ARHGEF28: variants seen among roughly 807,000 people sequenced by gnomAD.
ARHGEF28 encodes the protein Rho guanine nucleotide exchange factor 28.
Under a neutral mutation model 206.6 loss-of-function variants are expected in ARHGEF28, and 152 were observed. The ratio of observed to expected loss-of-function variants is 0.74; its 90% CI spans 0.64 to 0.84. ARHGEF28 has a LOEUF of 0.84. Ranked by LOEUF, ARHGEF28 falls within the 40% of genes least tolerant of loss-of-function variation. ARHGEF28 has a pLI of 0.00. For synonymous variants in ARHGEF28, 763 were observed against 776.4 expected (o/e 0.98, Z 0.29); for missense variants, 2,028 against 2,073.2 (o/e 0.98, Z 0.42).
At chr5:73,922,615 A>G (rs1020766183) in intron 35 of ARHGEF28, among the ~76,000 whole-genome samples, 3 of 152,184 alleles carry the variant, frequency 2.0e-5, no homozygotes, top group South Asian at 2.1e-4. Flanking sequence ...TTAAAATTAT[A>G]TAAGCCTAAA....
intron 34 of ARHGEF28, among the ~76,000 whole-genome samples, chr5:73,910,147 G>A (rs1475324432): frequency 1.3e-5 from 2 of 152,008 alleles, no homozygotes; most frequent in Non-Finnish European, 2.9e-5. Flanking sequence ...TTGGGAGGCC[G>A]AGGCGGGAAG....
chr5:73,795,388 T>G lies in ARHGEF28; in HGVS notation c.1021T>G (p.Leu341Val). ...ACATGAAGACCAGCACAGCCTAGAT[T>G]TGGGTATGAAATAACGCTTTTACCT... ...NEHEDQHSLD[L>V]DRSFDILKKS... Residue 341 changes from leucine to valine, a missense_variant, in exon 9 of 36, where the codon TTG becomes GTG. Around this residue, in one of 3 missense-constraint regions of ARHGEF28, gnomAD observed 1,002 missense variants for 1,015.3 expected, o/e 0.99. Coordinates refer to ENST00000513042, the MANE Select transcript of ARHGEF28 (RefSeq NM_001177693.2). 1 of 1,613,440 alleles carries G rather than the reference T, an allele frequency of 6.2e-7. No individual in the cohort carries two copies. Among genetic ancestry groups the G allele is most frequent in the Non-Finnish European group, 8.5e-7 (1 of 1,179,450 alleles).
intron 4 of ARHGEF28, among the ~76,000 whole-genome samples, chr5:73,766,544 T>C (rs1752908299): frequency 6.6e-6 from 1 of 152,236 alleles, no homozygotes; most frequent in African/African-American, 2.4e-5. Context: ...GCTAACCACT[T>C]ATTAATTTAA....
At chr5:73,729,774 G>C (rs1312993796) in intron 2 of ARHGEF28, among the ~76,000 whole-genome samples, 1 of 152,158 alleles carries the variant, frequency 6.6e-6, no homozygotes, top group East Asian at 1.9e-4. Context: ...ATTTTTGTTA[G>C]TGTTAGAGAG....
intron 35 of ARHGEF28, among the ~76,000 whole-genome samples, chr5:73,938,426 T>C (rs1185231237): frequency 6.6e-6 from 1 of 152,156 alleles, no homozygotes; most frequent in Non-Finnish European, 1.5e-5. Flanking sequence ...CTACATAGAT[T>C]AAGGGCTTCC....
intron 35 of ARHGEF28, among the ~76,000 whole-genome samples, chr5:73,933,916 A>G (rs1764271536): frequency 6.6e-6 from 1 of 150,450 alleles, no homozygotes. Flanking sequence ...ATTGTCTCAT[A>G]AATGTTTTTT....
At chr5:73,754,661 C>T (rs762559081) in intron 4 of ARHGEF28, among the ~76,000 whole-genome samples, 11 of 151,964 alleles carry the variant, frequency 7.2e-5, no homozygotes, top group Non-Finnish European at 1.2e-4. Flanking sequence ...ATGTGCTGCA[C>T]ATTTTAAATT....
chr5:73,909,845 A>G lies in ARHGEF28; in HGVS notation c.4595A>G (p.Lys1532Arg). ...CAGCAGAGCCTGCTGGGCCACTGGA[A>G]GCACGGCCGGCAGAGGAGCCTGCCC... ...RAQQSLLGHWKHGRQRSLPAV... is the reference protein window; with the variant it reads ...RAQQSLLGHWRHGRQRSLPAV... Residue 1532 changes from lysine (K) to arginine (R), a missense_variant, in exon 34 of 36, where the codon AAG becomes AGG. Around this residue, in one of 3 missense-constraint regions of ARHGEF28, gnomAD observed 803 missense variants for 768.0 expected, o/e 1.05. Transcript: ENST00000513042. 2 of 1,541,256 alleles carry G rather than the reference A, an allele frequency of 1.3e-6. No homozygotes were observed. Among genetic ancestry groups the G allele is most frequent in the East Asian group, 2.3e-5 (1 of 43,998 alleles).
At chr5:73,897,624 G>C (rs147731576) in intron 29 of ARHGEF28, among the ~76,000 whole-genome samples, 1 of 152,190 alleles carries the variant, frequency 6.6e-6, no homozygotes, top group East Asian at 1.9e-4. Context: ...TTAATATAAT[G>C]GTTTATAGTT....
chr5:73,909,619 A>C lies in ARHGEF28; in HGVS notation c.4369A>C (p.Arg1457=). 1 of 1,551,650 alleles carries C rather than the reference A, an allele frequency of 6.4e-7. No homozygotes were observed. Among genetic ancestry groups the C allele is most frequent in the Non-Finnish European group, 8.7e-7 (1 of 1,147,756 alleles). Residue 1457 remains arginine (R), a synonymous_variant, in exon 34 of 36, where the codon AGG becomes CGG. Coordinates refer to ENST00000513042, the MANE Select transcript of ARHGEF28 (RefSeq NM_001177693.2). ...LQQEQRRWLR[R]CEQQQRAQAT... Reference sequence around the variant, plus strand: ...GCAGGAGCAGCGGCGCTGGCTGCGCAGGTGTGAGCAGCAGCAGCGGGCGCA... The same window carrying C: ...GCAGGAGCAGCGGCGCTGGCTGCGCCGGTGTGAGCAGCAGCAGCGGGCGCA...
chr5:73,911,378 C>T lies in ARHGEF28; in HGVS notation c.4751C>T (p.Pro1584Leu), dbSNP rs1434663118. 2 of 1,613,670 alleles carry T rather than the reference C, an allele frequency of 1.2e-6. No individual in the cohort carries two copies. Among genetic ancestry groups the T allele is most frequent in the South Asian group, 2.2e-5 (2 of 91,050 alleles). ...MSFNTFNKLN[P>L]SVIHQDATYP... ...TTTAACACTTTCAACAAACTGAATC[C>T]ATCAGTTATCCATCAGGATGCCACT... Residue 1584 changes from proline (P) to leucine (L), a missense_variant, in exon 35 of 36, where the codon CCA becomes CTA. By Grantham distance (98) the Pro-to-Leu change is moderately conservative (BLOSUM62 -3). Coordinates refer to ENST00000513042, the MANE Select transcript of ARHGEF28 (RefSeq NM_001177693.2).
Position 73,684,866 on chromosome 5 carries a change from C to A in ARHGEF28, c.15C>A (p.Cys5Ter). The change falls in exon 2 of 36, where the codon TGC becomes TGA. Residue 5 changes from cysteine to a stop codon, truncating the protein, a stop_gained. Coordinates refer to ENST00000513042, the MANE Select transcript of ARHGEF28 (RefSeq NM_001177693.2). LOFTEE classifies it high-confidence loss of function. MELS[C>*]SEAPLYGQMM... ...ATGCGAAAGCCATGGAGTTGAGCTG[C>A]AGCGAAGCACCTCTTTACGTAAGTT... 1 of 1,610,942 alleles carries A rather than the reference C, an allele frequency of 6.2e-7. No homozygotes were observed. Among genetic ancestry groups the A allele is most frequent in the Non-Finnish European group, 8.5e-7 (1 of 1,178,390 alleles).
At chr5:73,718,797 C>T (rs1349210654) in intron 2 of ARHGEF28, among the ~76,000 whole-genome samples, 2 of 152,228 alleles carry the variant, frequency 1.3e-5, no homozygotes, top group Non-Finnish European at 2.9e-5. Flanking sequence ...ACTCAACTCA[C>T]TACTATCTTC....
intron 2 of ARHGEF28, among the ~76,000 whole-genome samples, chr5:73,694,467 G>A (rs56848158): frequency 0.044 from 6,710 of 152,238 alleles, 497 homozygotes; most frequent in African/African-American, 0.15. Flanking sequence ...TTTTTGTTCT[G>A]TTTGAGTTTT....
intron 9 of ARHGEF28, chr5:73,803,227 A>T: frequency 6.3e-6 from 1 of 158,104 alleles, no homozygotes. Flanking sequence ...ACTTACTCTG[A>T]TACTTCTGAT....
chr5:73,663,887 T>C (rs1035477108), intron 1 of ARHGEF28, among the ~76,000 whole-genome samples: 2 of 152,252 alleles, frequency 1.3e-5, no homozygotes, highest in Non-Finnish European at 2.9e-5. Context: ...GCATATGTAG[T>C]TACGTTTGTG....
intron 2 of ARHGEF28, among the ~76,000 whole-genome samples, chr5:73,716,481 T>A (rs1342828738): frequency 6.6e-6 from 1 of 152,308 alleles, no homozygotes; most frequent in South Asian, 2.1e-4. Flanking sequence ...GCAGCCAGTG[T>A]CCTATTTAGG....
intron 2 of ARHGEF28, among the ~76,000 whole-genome samples, chr5:73,729,802 G>A (rs1012053941): frequency 6.6e-6 from 1 of 152,146 alleles, no homozygotes; most frequent in Non-Finnish European, 1.5e-5. Context: ...TCACAAGTTG[G>A]GAGTTTGTCT....
At chr5:73,702,550 A>G (rs1212966272) in intron 2 of ARHGEF28, among the ~76,000 whole-genome samples, 6 of 151,868 alleles carry the variant, frequency 4.0e-5, no homozygotes, top group Non-Finnish European at 7.4e-5. Flanking sequence ...TTTTTTAGGT[A>G]TATACCTAGA....
Sources: allele counts gnomAD v4.1 joint callset (sites outside exome capture counted in the v4.1 genomes callset), GRCh38; gene constraint gnomAD v4.1.1; regional missense constraint gnomAD v4.1.1; transcripts MANE v1.5; gene names NCBI Gene and HGNC (gene_info 2026-07-23, HGNC 2026-07-21).